The following FIRRM variants were observed in gnomAD, a reference collection of about 807,000 sequenced individuals.
FIRRM encodes FIGNL1-interacting regulator of recombination and mitosis.
chr1:169,821,704 A>G, the FIRRM span: 1 of 1,611,436 alleles, frequency 6.2e-7, no homozygotes, highest in Non-Finnish European at 8.5e-7. Flanking sequence ...AGATTATTTC[A>G]GAAAACACTC....
chr1:169,804,066 C>A, the FIRRM span: 14 of 1,435,492 alleles, frequency 9.8e-6, no homozygotes, highest in South Asian at 1.7e-5. Context: ...TTTATTTATC[C>A]GTAATCAGAA....
chr1:169,796,361 T>G, the FIRRM span, among the ~76,000 whole-genome samples: 1 of 152,228 alleles, frequency 6.6e-6, no homozygotes, highest in African/African-American at 2.4e-5. Context: ...CCCACAAGCT[T>G]ATAGAGAGAC....
chr1:169,791,524 G>C, the FIRRM span, among the ~76,000 whole-genome samples: 1 of 152,124 alleles, frequency 6.6e-6, no homozygotes, highest in Non-Finnish European at 1.5e-5. Context: ...TTCAAGGTGA[G>C]AAATGTGATT....
At chr1:169,783,910 C>T in the FIRRM span, 1 of 152,270 alleles carries the variant, frequency 6.6e-6, no homozygotes, top group Admixed American at 6.5e-5. Context: ...CTCAGCCTCC[C>T]ACATAGCTGA....
the FIRRM span, among the ~76,000 whole-genome samples, chr1:169,845,135 C>T: frequency 7.9e-5 from 12 of 151,846 alleles, no homozygotes; most frequent in Non-Finnish European, 1.3e-4. Context: ...TCCAGACCAC[C>T]ACAATAAAGT....
At chr1:169,811,925 T>C in the FIRRM span, among the ~76,000 whole-genome samples, 9 of 148,886 alleles carry the variant, frequency 6.0e-5, no homozygotes, top group Admixed American at 4.7e-4. Flanking sequence ...CCTGTCTAGA[T>C]AGATAGAAAC....
At chr1:169,807,844 T>C in the FIRRM span, 7 of 1,608,750 alleles carry the variant, frequency 4.4e-6, no homozygotes, top group East Asian at 6.7e-5. Context: ...CACAAAGATA[T>C]AATTACTAGC....
chr1:169,796,299 A>G, the FIRRM span, among the ~76,000 whole-genome samples: 1 of 152,254 alleles, frequency 6.6e-6, no homozygotes, highest in South Asian at 2.1e-4. Flanking sequence ...TGTGTGAGAC[A>G]TGGTGTTAGG....
At chr1:169,830,578 T>C in the FIRRM span, 5 of 997,784 alleles carry the variant, frequency 5.0e-6, no homozygotes, top group Admixed American at 1.1e-4. Flanking sequence ...TATTTGGTCA[T>C]GGAAATAATG....
the FIRRM span, among the ~76,000 whole-genome samples, chr1:169,819,374 G>C: frequency 2.6e-5 from 4 of 152,138 alleles, no homozygotes; most frequent in African/African-American, 9.7e-5. Context: ...TATCCCCCTC[G>C]TGCCATTAGT....
chr1:169,829,956 A>T, the FIRRM span, among the ~76,000 whole-genome samples: 1 of 152,200 alleles, frequency 6.6e-6, no homozygotes, highest in African/African-American at 2.4e-5. Flanking sequence ...TATGTTATTT[A>T]TGTTGTTTTG....
the FIRRM span, chr1:169,793,395 T>C: frequency 3.1e-6 from 5 of 1,614,230 alleles, no homozygotes; most frequent in South Asian, 1.1e-5. Flanking sequence ...GCATGCTCTT[T>C]GGCAGCTCTC....
chr1:169,797,372 C>T, the FIRRM span, among the ~76,000 whole-genome samples: 1 of 152,170 alleles, frequency 6.6e-6, no homozygotes. Context: ...TCATAACTGA[C>T]TAATTTTGGA....
the FIRRM span, among the ~76,000 whole-genome samples, chr1:169,811,655 GATAGATAGATAGATAGATAATCTAA>G: frequency 2.0e-5 from 3 of 151,880 alleles, no homozygotes; most frequent in South Asian, 6.2e-4. Flanking sequence ...AGCTTGTCTA[GATAGATAGATAGATAGATAATCTAA>G]ATAGATAATA....
chr1:169,853,585 T>C, the FIRRM span: 1 of 940,810 alleles, frequency 1.1e-6, no homozygotes, highest in East Asian at 2.4e-5. Flanking sequence ...ACAGACTGGA[T>C]AATGAGCTCC....
the FIRRM span, among the ~76,000 whole-genome samples, chr1:169,789,690 G>A: frequency 6.6e-6 from 1 of 152,158 alleles, no homozygotes; most frequent in African/African-American, 2.4e-5. Context: ...AGTAGGGAGG[G>A]GAATGGGATG....
the FIRRM span, among the ~76,000 whole-genome samples, chr1:169,805,341 G>T: frequency 6.6e-6 from 1 of 152,216 alleles, no homozygotes; most frequent in Non-Finnish European, 1.5e-5. Flanking sequence ...AAGTACTTGA[G>T]AAAGCCATGT....
the FIRRM span, chr1:169,853,835 A>T: frequency 6.3e-7 from 1 of 1,575,518 alleles, no homozygotes; most frequent in Non-Finnish European, 8.7e-7. Flanking sequence ...AATCATACGC[A>T]AATTTGAAAA....
the FIRRM span, among the ~76,000 whole-genome samples, chr1:169,844,231 T>C: frequency 2.0e-5 from 3 of 152,244 alleles, no homozygotes; most frequent in Non-Finnish European, 4.4e-5. Context: ...GGCCTCCAAC[T>C]TACATGGCTA....
Sources: gnomAD v4.1 joint callset for allele counts (sites outside exome capture counted in the v4.1 genomes callset) on GRCh38, gnomAD v4.1.1 for gene constraint, MANE v1.5 for transcripts, NCBI Gene and HGNC (gene_info 2026-07-23, HGNC 2026-07-21) for gene names.